HMGB1: variants seen among roughly 807,000 people sequenced by gnomAD.
HMGB1 encodes high mobility group protein B1.
For synonymous variants in HMGB1, 81 were observed against 84.0 expected, an observed-to-expected ratio of 0.96 and a Z score of 0.19; for missense variants, 79 against 253.5, an observed-to-expected ratio of 0.31 and a Z score of 4.67.
intron 1 of HMGB1, among the ~76,000 whole-genome samples, chr13:30,514,693 AT>A (rs1182631444): frequency 6.6e-6 from 1 of 150,394 alleles, no homozygotes; most frequent in Non-Finnish European, 1.5e-5. Flanking sequence ...GTGGCTATTC[AT>A]CAGCACCATC....
At chr13:30,616,857 C>G (rs1950569738) in exon 1 of HMGB1, 1 of 152,148 alleles carries the variant, frequency 6.6e-6, no homozygotes, top group South Asian at 2.1e-4. Flanking sequence ...TTTGAGACCA[C>G]TAAAAAACCC....
rs146723743 is a variant in HMGB1, at chr13:30,573,648, T to A, written c.-15+43023A>T. On this transcript the variant is annotated intron_variant, in intron 1 of 4. Coordinates refer to the HMGB1 transcript ENST00000405805. Reference sequence around the variant, plus strand: ...AAAGGAGTCAAATGAATCTAGCATTTTCTTTTTTTTTTTTTTTTTGGAGAA... The same window carrying A: ...AAAGGAGTCAAATGAATCTAGCATTATCTTTTTTTTTTTTTTTTTGGAGAA... Among the ~76,000 whole-genome samples the A allele has an allele frequency of 2.8e-3, 418 of 150,634 alleles. 2 individuals are homozygous for A. Among genetic ancestry groups the A allele is most frequent in the South Asian group, 6.4e-3 (31 of 4,826 alleles).
chr13:30,603,624 T>C (rs188463640), intron 1 of HMGB1, among the ~76,000 whole-genome samples: 47 of 152,294 alleles, frequency 3.1e-4, no homozygotes, highest in Admixed American at 2.8e-3. Context: ...CCTAAGGATA[T>C]CAAAATCTGC....
At chr13:30,558,274 A>G (rs892800025) in intron 1 of HMGB1, among the ~76,000 whole-genome samples, 3 of 152,188 alleles carry the variant, frequency 2.0e-5, no homozygotes, top group African/African-American at 7.2e-5. Context: ...TGGAAAGGTA[A>G]AAATGATAAA....
rs60209333 is a variant in HMGB1 at position 30,556,967 on chromosome 13, C to T, written c.-15+59704G>A. ...TGTGCGAATTACCCTGATCTGATAA[C>T]TATAAATTATATGTATGGAAATATA... On this transcript the variant is annotated intron_variant, in intron 1 of 4. Transcript: ENST00000405805. Among the ~76,000 whole-genome samples the T allele has an allele frequency of 1.2e-3, 178 of 152,194 alleles. 1 individual carries two copies. The highest frequency in any genetic ancestry group is 4.2e-3 in the African/African-American group (176 of 41,508).
intron 1 of HMGB1, among the ~76,000 whole-genome samples, chr13:30,579,785 T>A (rs771394384): frequency 6.6e-6 from 1 of 151,976 alleles, no homozygotes; most frequent in Non-Finnish European, 1.5e-5. Flanking sequence ...CATAAGAGAG[T>A]TAAAAATTAG....
intron 1 of HMGB1, among the ~76,000 whole-genome samples, chr13:30,491,447 G>A (rs1442817510): frequency 7.0e-6 from 1 of 143,182 alleles, no homozygotes; most frequent in Admixed American, 6.7e-5. Flanking sequence ...ACTTCAGGAG[G>A]CTGAGGCAGG....
In HMGB1 at chr13:30,544,738, T is replaced by C. The variant is rs575155965; in HGVS notation, c.-15+71933A>G. Among the ~76,000 whole-genome samples the C allele has an allele frequency of 6.5e-4, 99 of 152,214 alleles. 1 individual carries two copies. The South Asian group carries it at 0.014, about 21-fold the overall frequency. Reference sequence around the variant, plus strand: ...TTTTCCTGAGCTCTGTAAGCTGCTCTGTCAAATCAATCGAACCTGAGGAGA... The same window carrying C: ...TTTTCCTGAGCTCTGTAAGCTGCTCCGTCAAATCAATCGAACCTGAGGAGA... On this transcript the variant is annotated intron_variant, in intron 1 of 4. Transcript: ENST00000405805.
rs202118266 is a variant in HMGB1, at chr13:30,534,449, T to C, written c.-14-70755A>G. On this transcript the variant is annotated intron_variant, in intron 1 of 4. Transcript: ENST00000405805. ...GATCATTAAAATGGTCATTTTTTTT[T>C]CCCCACACATATTTAAGGAGAGCCT... is the stretch of plus-strand genomic sequence containing the variant. 8.8e-4 allele frequency among the ~76,000 whole-genome samples: 131 copies of C among 148,936 alleles called. 1 individual carries two copies. The highest frequency in any genetic ancestry group is 6.1e-3 in the East Asian group (31 of 5,056).
Position 30,459,323 on chromosome 13 carries a change from T to A in HMGB1, c.*2034A>T, listed in dbSNP as rs997637602. On this transcript the variant is annotated 3_prime_UTR_variant, in exon 5 of 5. Transcript: ENST00000341423. ...AAGATCTGTGGTCAAGAATAAACCC[T>A]AAAAAAACTGTTCCCATTCTCAACA... The A allele has an allele frequency of 5.3e-5, 8 of 152,130 alleles. No homozygotes were observed. The highest frequency in any genetic ancestry group is 3.9e-4 in the Admixed American group (6 of 15,266). 9.4% of individuals were successfully genotyped at this position (152,130 alleles called of 1,614,324 possible). A position where few individuals can be genotyped will look rare whatever the true frequency, so the allele number is the denominator to read the frequency against.
At chr13:30,610,900 T>C (rs916192059) in intron 1 of HMGB1, among the ~76,000 whole-genome samples, 1 of 152,196 alleles carries the variant, frequency 6.6e-6, no homozygotes, top group African/African-American at 2.4e-5. Context: ...GGCTTAAAAA[T>C]CTTTTTAAAA....
At chr13:30,518,768 C>T (rs1351642919) in intron 1 of HMGB1, among the ~76,000 whole-genome samples, 2 of 146,562 alleles carry the variant, frequency 1.4e-5, no homozygotes, top group Non-Finnish European at 1.5e-5. Flanking sequence ...ACAGTGTCCA[C>T]AAGCATGGCT....
intron 1 of HMGB1, among the ~76,000 whole-genome samples, chr13:30,561,236 C>T (rs1052163849): frequency 3.9e-5 from 6 of 152,132 alleles, no homozygotes; most frequent in African/African-American, 1.4e-4. Context: ...AGGGAATGGT[C>T]AACAGTGACT....
At chr13:30,594,520 G>A (rs573433765) in intron 1 of HMGB1, among the ~76,000 whole-genome samples, 1 of 152,258 alleles carries the variant, frequency 6.6e-6, no homozygotes, top group Non-Finnish European at 1.5e-5. Flanking sequence ...TAGGATAATT[G>A]CCTCCAGTTA....
At chr13:30,512,393 T>C (rs1421976811) in intron 1 of HMGB1, among the ~76,000 whole-genome samples, 1 of 152,138 alleles carries the variant, frequency 6.6e-6, no homozygotes, top group Non-Finnish European at 1.5e-5. Context: ...GCAACACCCA[T>C]CTGTTAAGTC....
chr13:30,461,652 A>T (rs1165212973), intron 4 of HMGB1, 119 bp from the exon 5 acceptor site: 1 of 1,591,664 alleles, frequency 6.3e-7, no homozygotes, highest in South Asian at 1.1e-5. Flanking sequence ...AATATCACGT[A>T]TCTGTAGATC....
At chr13:30,516,145 ATCTT>A (rs1888097728) in intron 1 of HMGB1, among the ~76,000 whole-genome samples, 1 of 152,220 alleles carries the variant, frequency 6.6e-6, no homozygotes, top group Admixed American at 6.5e-5. Flanking sequence ...TTACGACAGA[ATCTT>A]TCTTTGAGAA....
chr13:30,483,617 C>CTTTTT (rs61395953), intron 1 of HMGB1, among the ~76,000 whole-genome samples: 24,191 of 135,444 alleles, frequency 0.18, 2,948 homozygotes, highest in East Asian at 0.41. Context: ...GTGCAAATTT[C>CTTTTT]TTTTTTTTTT....
In HMGB1 at chr13:30,459,167, G is replaced by T. The variant is rs1005522475; in HGVS notation, c.*2190C>A. 2 of 139,448 alleles carry T rather than the reference G, an allele frequency of 1.4e-5. No individual in the cohort carries two copies. Among genetic ancestry groups the T allele is most frequent in the African/African-American group, 5.5e-5 (2 of 36,552 alleles). The allele number at this position is 139,448 out of a possible 1,614,324, so 8.6% of individuals were successfully genotyped here. ...AAAAAAAATCATCTTCAGTTACAAG[G>T]CTTTACACTTATCTAAATTGCCTCC... On this transcript the variant is annotated 3_prime_UTR_variant, in exon 5 of 5. Coordinates refer to ENST00000341423, the MANE Select transcript of HMGB1 (RefSeq NM_002128.7).
Sources: gnomAD v4.1 joint callset for allele counts (sites outside exome capture counted in the v4.1 genomes callset) on GRCh38, gnomAD v4.1.1 for gene constraint, MANE v1.5 for transcripts, NCBI Gene and HGNC (gene_info 2026-07-23, HGNC 2026-07-21) for gene names.